The following BCOR variants were observed in gnomAD, a reference collection of about 807,000 sequenced individuals.
BCOR encodes the protein BCL-6 corepressor.
A neutral mutation model predicts 86.7 loss-of-function variants in BCOR; 10 were observed. That is an observed-to-expected ratio of 0.12 (90% CI 0.07 to 0.20). BCOR has a LOEUF of 0.20. Ranked by LOEUF, BCOR falls within the 10% of genes least tolerant of loss-of-function variation. BCOR has a pLI of 1.00. For synonymous variants in BCOR, 611 were observed against 609.0 expected, an observed-to-expected ratio of 1.00 and a Z score of -0.05; for missense variants, 1,259 against 1,452.1, an observed-to-expected ratio of 0.87 and a Z score of 2.16.
intron 1 of BCOR, among the ~76,000 whole-genome samples, chrX:40,126,376 T>C (rs1425723887): frequency 9.4e-6 from 1 of 106,448 alleles, no homozygotes; most frequent in Non-Finnish European, 1.9e-5. Flanking sequence ...ATACAAAAAA[T>C]TAGCTGGGTA....
intron 1 of BCOR, among the ~76,000 whole-genome samples, chrX:40,105,438 C>G (rs1466930950): frequency 8.9e-6 from 1 of 112,390 alleles, no homozygotes; most frequent in Admixed American, 9.2e-5. Context: ...CCGCGCGTCA[C>G]CCCTGATCCC....
At chrX:40,120,529 G>A (rs764841690) in intron 1 of BCOR, among the ~76,000 whole-genome samples, 1 of 111,579 alleles carries the variant, frequency 9.0e-6, no homozygotes, top group African/African-American at 3.3e-5. Context: ...GCACTGCCTA[G>A]CACAGCTTCT....
chrX:40,114,401 G>A (rs891178721), intron 1 of BCOR, among the ~76,000 whole-genome samples: 2 of 111,716 alleles, frequency 1.8e-5, no homozygotes, highest in African/African-American at 3.3e-5. Flanking sequence ...CTGGTGGGGA[G>A]GCCTTGGGAG....
chrX:40,164,651 G>T (rs922837652), intron 1 of BCOR, among the ~76,000 whole-genome samples: 1 of 111,718 alleles, frequency 9.0e-6, no homozygotes, highest in African/African-American at 3.3e-5. Context: ...GAAGGGAGAG[G>T]GGCAAAGCAT....
chrX:40,079,391 G>A (rs1212936141), intron 1 of BCOR, among the ~76,000 whole-genome samples: 2 of 112,095 alleles, frequency 1.8e-5, no homozygotes, highest in Non-Finnish European at 3.8e-5. Flanking sequence ...CTGAGGGTGG[G>A]AGTTAAGGGG....
At chrX:40,127,191 C>CT (rs774270449) in intron 1 of BCOR, among the ~76,000 whole-genome samples, 1 of 112,152 alleles carries the variant, frequency 8.9e-6, no homozygotes, top group African/African-American at 3.2e-5. Flanking sequence ...GAGGAGAAGC[C>CT]TTAAGAGACT....
intron 1 of BCOR, among the ~76,000 whole-genome samples, chrX:40,145,033 G>A (rs187174437): frequency 1.1e-5 from 1 of 89,509 alleles, no homozygotes; most frequent in Admixed American, 1.6e-4. Context: ...TAAGCATTTA[G>A]TCTGGGTAAT....
chrX:40,065,834 C>T (rs946526622), intron 6 of BCOR, among the ~76,000 whole-genome samples: 3 of 109,897 alleles, frequency 2.7e-5, no homozygotes, highest in Non-Finnish European at 3.8e-5. Context: ...ACGCCTCATC[C>T]GCTGATCTCA....
upstream of BCOR, among the ~76,000 whole-genome samples, chrX:40,101,678 C>T (rs987845603): frequency 7.1e-5 from 8 of 112,790 alleles, no homozygotes; most frequent in Non-Finnish European, 1.5e-4. Flanking sequence ...TCCACCCTGG[C>T]CTAGGGGAAA....
intron 1 of BCOR, among the ~76,000 whole-genome samples, chrX:40,105,708 A>G (rs944322395): frequency 2.7e-5 from 3 of 112,055 alleles, no homozygotes; most frequent in African/African-American, 9.7e-5. Flanking sequence ...GAGATCGCGG[A>G]GGAGAAAATA....
chrX:40,117,984 A>T (rs866951049), intron 1 of BCOR, among the ~76,000 whole-genome samples: 13 of 43,770 alleles, frequency 3.0e-4, no homozygotes, highest in African/African-American at 1.3e-3. Context: ...CTCTCTCTCC[A>T]CCCCCCCCAC....
chrX:40,123,439 G>A (rs1282459449), intron 1 of BCOR, among the ~76,000 whole-genome samples: 1 of 109,523 alleles, frequency 9.1e-6, no homozygotes, highest in Non-Finnish European at 1.9e-5. Context: ...TGCAACCTCC[G>A]CCTCCCGGGT....
At chrX:40,111,590 G>T (rs1207594569) in intron 1 of BCOR, among the ~76,000 whole-genome samples, 1 of 112,018 alleles carries the variant, frequency 8.9e-6, no homozygotes, top group Non-Finnish European at 1.9e-5. Context: ...GATCTGCTCT[G>T]TGTATTGATA....
At chrX:40,110,437 C>A (rs1394638848) in intron 1 of BCOR, among the ~76,000 whole-genome samples, 2 of 109,490 alleles carry the variant, frequency 1.8e-5, no homozygotes, top group Non-Finnish European at 3.8e-5. Flanking sequence ...ATTTTTGAAA[C>A]CTTCCAGGGC....
intron 1 of BCOR, among the ~76,000 whole-genome samples, chrX:40,089,111 G>C (rs777987695): frequency 8.9e-6 from 1 of 111,823 alleles, no homozygotes; most frequent in Admixed American, 9.4e-5. Flanking sequence ...CAAGTCTCAG[G>C]GGGTCTCAGG....
rs141185747 is a variant in BCOR at position 40,093,262 on chromosome X, C to T, written c.-41+3953G>A. On this transcript the variant is annotated intron_variant, in intron 1 of 14. Transcript: ENST00000378444. ...TCTCAGCACATGTCATTCAAGCGCA[C>T]ATCTTAATCTGAGCATTCGTACTAC... 7.6e-3 allele frequency among the ~76,000 whole-genome samples: 850 copies of T among 112,166 alleles called. 10 individuals carry two copies. Among genetic ancestry groups the T allele is most frequent in the Non-Finnish European group, 0.011 (594 of 53,256 alleles).
intron 3 of BCOR, 49 bp downstream of exon 3, chrX:40,076,405 G>A: frequency 1.0e-6 from 1 of 953,507 alleles, no homozygotes; most frequent in African/African-American, 1.9e-5. Flanking sequence ...ATTGATTACA[G>A]ATCACTGATA....
intron 1 of BCOR, among the ~76,000 whole-genome samples, chrX:40,109,468 G>A (rs753006486): frequency 8.9e-6 from 1 of 112,454 alleles, no homozygotes; most frequent in East Asian, 2.9e-4. Context: ...GGGCGGCCAG[G>A]TACCCAGCCT....
At position 40,072,827 on chromosome X, in the gene BCOR, G is replaced by A. The variant is rs904253464; in HGVS notation, c.2519C>T (p.Pro840Leu). ...CTGCTGCAGGGCCGGCTCAACTGAG[G>A]GCTTGGGGGGCTCAGCGCTCTGGCC... ...SVGQSAEPPK[P>L]SVEPALQQHR... is the part of the protein sequence containing the mutation. The change falls in exon 4 of 15, where the codon CCC (proline) becomes CTC (leucine). Residue 840 changes from proline to leucine, a missense_variant. This residue lies in a region of BCOR where 534 missense variants were observed against 594.8 expected (regional missense o/e 0.90). Coordinates refer to ENST00000378444, the MANE Select transcript of BCOR (RefSeq NM_001123385.2). The A allele has an allele frequency of 1.7e-6, 2 of 1,211,640 alleles. No individual in the cohort carries two copies. Among genetic ancestry groups the A allele is most frequent in the Admixed American group, 4.3e-5 (2 of 46,054 alleles).
Sources: allele counts gnomAD v4.1 joint callset (sites outside exome capture counted in the v4.1 genomes callset), GRCh38; gene constraint gnomAD v4.1.1; regional missense constraint gnomAD v4.1.1; transcripts MANE v1.5; gene names NCBI Gene and HGNC (gene_info 2026-07-23, HGNC 2026-07-21).